PHLPP1: variants seen among roughly 807,000 people sequenced by gnomAD.
PHLPP1 encodes PH domain leucine-rich repeat-containing protein phosphatase 1.
In PHLPP1, 42 loss-of-function variants were observed where a neutral mutation model predicts 117.2. The ratio of observed to expected loss-of-function variants is 0.36; its 90% CI spans 0.28 to 0.46. The LOEUF is 0.46. Ranked by LOEUF, PHLPP1 falls within the 20% of genes least tolerant of loss-of-function variation. The probability of loss-of-function intolerance (pLI) is 1.00; values close to 1 mark genes in which losing one functional copy is unlikely to be tolerated. For missense variants in PHLPP1, 2,084 were observed against 2,241.9 expected, an observed-to-expected ratio of 0.93 and a Z score of 1.42; for synonymous variants, 1,042 against 970.7, an observed-to-expected ratio of 1.07 and a Z score of -1.37.
intron 14 of PHLPP1, among the ~76,000 whole-genome samples, chr18:62,970,821 T>C (rs1030603131): frequency 3.0e-4 from 46 of 152,192 alleles, no homozygotes; most frequent in African/African-American, 1.1e-3. Flanking sequence ...CTGGCTGTCA[T>C]TATCGTTGTG....
intron 3 of PHLPP1, among the ~76,000 whole-genome samples, chr18:62,848,487 G>C (rs1347235052): frequency 3.0e-4 from 35 of 117,472 alleles, no homozygotes; most frequent in African/African-American, 1.0e-3. Context: ...TTTTGAGACA[G>C]GGTCTCACTG....
At chr18:62,846,095 G>C (rs558397232) in intron 3 of PHLPP1, among the ~76,000 whole-genome samples, 4 of 151,210 alleles carry the variant, frequency 2.6e-5, no homozygotes, top group Non-Finnish European at 5.9e-5. Context: ...TGTAATCCCA[G>C]CTACCCGGGA....
At chr18:62,904,542 A>G (rs1004821500) in intron 7 of PHLPP1, among the ~76,000 whole-genome samples, 2 of 152,200 alleles carry the variant, frequency 1.3e-5, no homozygotes, top group African/African-American at 4.8e-5. Context: ...TTTGAGACTT[A>G]CCTGCTCAGA....
chr18:62,840,159 A>G (rs1915016476), intron 3 of PHLPP1, among the ~76,000 whole-genome samples: 1 of 152,246 alleles, frequency 6.6e-6, no homozygotes, highest in African/African-American at 2.4e-5. Flanking sequence ...ATTTGAGAAC[A>G]GTATCTAGAA....
chr18:62,756,235 C>T (rs537650940), intron 1 of PHLPP1, among the ~76,000 whole-genome samples: 13 of 152,230 alleles, frequency 8.5e-5, no homozygotes, highest in African/African-American at 3.1e-4. Context: ...ATGGAGTAAA[C>T]ACTATCCGGA....
Position 62,895,151 on chromosome 18 carries a change from T to G in PHLPP1, c.2207T>G (p.Met736Arg), listed in dbSNP as rs780770466. ...TCAGTCCCGGCAGCCGTTGGAGTGA[T>G]GCACAAGTGTGTACTTCAAACCCCA... ...LRSVPAAVGV[M>R]HNLQTFLLDG... The change falls in exon 5 of 17, where the codon ATG (methionine) becomes AGG (arginine). Residue 736 changes from methionine (M) to arginine (R), a missense_variant. Physicochemically the swap from Met to Arg is moderately conservative, Grantham distance 91. Coordinates refer to ENST00000262719, the MANE Select transcript of PHLPP1 (RefSeq NM_194449.4). 1 of 1,613,602 alleles carries G rather than the reference T, an allele frequency of 6.2e-7. No homozygotes were observed. The highest frequency in any genetic ancestry group is 2.2e-5 in the East Asian group (1 of 44,886).
At chr18:62,721,653 C>A (rs1056174830) in intron 1 of PHLPP1, among the ~76,000 whole-genome samples, 4 of 152,040 alleles carry the variant, frequency 2.6e-5, no homozygotes, top group African/African-American at 9.6e-5. Context: ...AGTTCTTCTC[C>A]TTGAATTTCA....
chr18:62,978,642 G>A lies in PHLPP1; in HGVS notation c.4365G>A (p.Val1455=), dbSNP rs1468647119. 2.5e-6 allele frequency: 4 copies of A among 1,613,910 alleles called. No homozygotes were observed. Among genetic ancestry groups the A allele is most frequent in the Admixed American group, 3.3e-5 (2 of 60,022 alleles). ...TCTTTCCTCCCTCAGTGAACATGGT[G>A]ATCAAGGATCGGCCCTCAGATGGGC... ...PGIFPPSVNM[V]IKDRPSDGLG... Residue 1455 remains valine, a synonymous_variant, in exon 17 of 17, where the codon GTG becomes GTA. Transcript: ENST00000262719. This position sits in a 1 kb window ranked among gnomAD's most constrained non-coding sequence, Gnocchi z 7.0.
chr18:62,977,790 A>G (rs1219478815), intron 16 of PHLPP1, among the ~76,000 whole-genome samples: 1 of 152,166 alleles, frequency 6.6e-6, no homozygotes, highest in East Asian at 1.9e-4. Context: ...GTCTTTGCTC[A>G]GGACTGGCTT....
chr18:62,938,495 G>A (rs927530998), intron 10 of PHLPP1, among the ~76,000 whole-genome samples: 4 of 152,158 alleles, frequency 2.6e-5, no homozygotes, highest in Non-Finnish European at 5.9e-5. Context: ...AAGTGAATGG[G>A]TATTGAATTT....
intron 1 of PHLPP1, among the ~76,000 whole-genome samples, chr18:62,819,972 A>G (rs1187927719): frequency 6.6e-6 from 1 of 152,192 alleles, no homozygotes; most frequent in Non-Finnish European, 1.5e-5. Context: ...AAATATAAAG[A>G]CCATATAGGT....
In PHLPP1 at chr18:62,891,630, C is replaced by G. The variant is rs144398446; in HGVS notation, c.2067-3381C>G. 1.1e-3 allele frequency among the ~76,000 whole-genome samples: 166 copies of G among 150,702 alleles called. 2 individuals carry two copies. Among genetic ancestry groups the G allele is most frequent in the African/African-American group, 3.9e-3 (158 of 40,998 alleles). On this transcript the variant is annotated intron_variant, in intron 4 of 16. Coordinates refer to ENST00000262719, the MANE Select transcript of PHLPP1 (RefSeq NM_194449.4). ...TTAGGGTAGGCACGATGACTCATGC[C>G]TTTAGTTCTAACACTTTGGGAGGCC...
At chr18:62,882,808 A>G (rs1210365239) in intron 4 of PHLPP1, among the ~76,000 whole-genome samples, 2 of 152,074 alleles carry the variant, frequency 1.3e-5, no homozygotes, top group South Asian at 2.1e-4. Flanking sequence ...AAGCTTTTCT[A>G]TTTTATTGGA....
In PHLPP1 at chr18:62,742,222, C is replaced by G. The variant is rs192679320; in HGVS notation, c.1576+24963C>G. 3.9e-5 allele frequency among the ~76,000 whole-genome samples: 6 copies of G among 152,236 alleles called. No homozygotes were observed. The East Asian group carries it at 9.7e-4, about 25-fold the overall frequency. Reference sequence around the variant, plus strand: ...AGAGAAAAGGAAGATAAAAGTAACGCGGTCTTTTCTATAATCTGAACACAC... The same window carrying G: ...AGAGAAAAGGAAGATAAAAGTAACGGGGTCTTTTCTATAATCTGAACACAC... On this transcript the variant is annotated intron_variant, in intron 1 of 16. Coordinates refer to ENST00000262719, the MANE Select transcript of PHLPP1 (RefSeq NM_194449.4).
chr18:62,903,852 A>G (rs1033170457), intron 7 of PHLPP1, among the ~76,000 whole-genome samples: 7 of 152,188 alleles, frequency 4.6e-5, no homozygotes, highest in Non-Finnish European at 8.8e-5. Flanking sequence ...CCATGAAGCT[A>G]GAGTCTTAAT....
intron 1 of PHLPP1, among the ~76,000 whole-genome samples, chr18:62,785,018 A>G (rs894922920): frequency 2.0e-5 from 3 of 152,260 alleles, no homozygotes; most frequent in Admixed American, 6.5e-5. Context: ...AGGTTGTTAT[A>G]AAACATAGAA....
chr18:62,724,305 T>C (rs1431706097), intron 1 of PHLPP1, among the ~76,000 whole-genome samples: 1 of 152,220 alleles, frequency 6.6e-6, no homozygotes, highest in African/African-American at 2.4e-5. Flanking sequence ...GGGATACAAA[T>C]GTGTAAAATT....
intron 1 of PHLPP1, among the ~76,000 whole-genome samples, chr18:62,737,181 A>T (rs1421037196): frequency 2.0e-5 from 3 of 151,796 alleles, no homozygotes; most frequent in Non-Finnish European, 4.4e-5. Context: ...TTCTCTGAGA[A>T]AATGAGAGAC....
chr18:62,807,004 T>C (rs892339428), intron 1 of PHLPP1, among the ~76,000 whole-genome samples: 2 of 152,186 alleles, frequency 1.3e-5, no homozygotes, highest in African/African-American at 4.8e-5. Flanking sequence ...AAAAATTTTT[T>C]ATAAATAAAG....
Sources: gnomAD v4.1 joint callset for allele counts (sites outside exome capture counted in the v4.1 genomes callset) on GRCh38, gnomAD v4.1.1 for gene constraint, Gnocchi (gnomAD v3.1) non-coding constraint, MANE v1.5 for transcripts, NCBI Gene and HGNC (gene_info 2026-07-23, HGNC 2026-07-21) for gene names.